The following MLIP variants were observed in gnomAD, a reference collection of about 807,000 sequenced individuals.
MLIP encodes the protein muscular LMNA interacting protein, also known as muscular LMNA-interacting protein.
A neutral mutation model predicts 84.8 loss-of-function variants in MLIP; 79 were observed. The observed-to-expected ratio is 0.93, with a 90% CI of 0.78 to 1.12. The LOEUF (loss-of-function observed/expected upper bound fraction) is 1.12, where lower values mean the gene tolerates loss of function less well. MLIP is among the 50% of genes most tolerant of loss of function. The pLI is 0.00. For missense variants in MLIP, 1,257 were observed against 1,160.6 expected (o/e 1.08, Z -1.21); for synonymous variants, 504 against 463.0 (o/e 1.09, Z -1.14).
At chr6:54,074,531 A>G (rs1766675685) in intron 1 of MLIP, among the ~76,000 whole-genome samples, 1 of 152,196 alleles carries the variant, frequency 6.6e-6, no homozygotes, top group South Asian at 2.1e-4. Context: ...TGCGGTAAGA[A>G]GGTCAGCAAA....
chr6:54,190,823 T>C (rs949253762), intron 10 of MLIP, among the ~76,000 whole-genome samples: 2 of 145,434 alleles, frequency 1.4e-5, no homozygotes, highest in African/African-American at 5.2e-5. Flanking sequence ...TGAGACGGAG[T>C]CTCGCTCTGT....
rs150918981 is a variant in MLIP at position 54,112,565 on chromosome 6, T to A, written c.96+990T>A. Among the ~76,000 whole-genome samples the A allele has an allele frequency of 9.8e-3, 1,486 of 152,308 alleles. 28 individuals are homozygous for A. Among genetic ancestry groups the A allele is most frequent in the African/African-American group, 0.033 (1,373 of 41,566 alleles). On this transcript the variant is annotated intron_variant, in intron 1 of 13. Transcript: ENST00000502396. Reference sequence around the variant, plus strand: ...CAGGAATTTATGTCTGATCTTGTTATTCTCCAACAGTAACTCAGGAAGATG... The same window carrying A: ...CAGGAATTTATGTCTGATCTTGTTAATCTCCAACAGTAACTCAGGAAGATG...
At chr6:54,092,062 G>T (rs1767905824) in intron 1 of MLIP, among the ~76,000 whole-genome samples, 1 of 152,082 alleles carries the variant, frequency 6.6e-6, no homozygotes, top group Admixed American at 6.6e-5. Context: ...GACTTGACTA[G>T]GATCTGGAAT....
At chr6:54,255,072 A>G (rs929281973) in intron 12 of MLIP, among the ~76,000 whole-genome samples, 1 of 152,018 alleles carries the variant, frequency 6.6e-6, no homozygotes, top group Non-Finnish European at 1.5e-5. Context: ...TTGGTCTGAG[A>G]ATGGGACACC....
chr6:54,251,922 T>C (rs866797906), intron 12 of MLIP, among the ~76,000 whole-genome samples: 10 of 83,134 alleles, frequency 1.2e-4, no homozygotes, highest in Non-Finnish European at 1.7e-4. Flanking sequence ...ATATATAATA[T>C]AAATATATAT....
intron 1 of MLIP, among the ~76,000 whole-genome samples, chr6:54,089,603 T>G (rs1470124056): frequency 6.6e-6 from 1 of 152,098 alleles, no homozygotes; most frequent in Admixed American, 6.6e-5. Flanking sequence ...ACCTGACCCT[T>G]TGAGCCTTTC....
chr6:54,190,093 A>G (rs1777768152), intron 10 of MLIP, among the ~76,000 whole-genome samples, 179 bp downstream of exon 10: 1 of 152,202 alleles, frequency 6.6e-6, no homozygotes. Flanking sequence ...CAGGTGACAA[A>G]CATACGTAAA....
chr6:54,085,836 T>C (rs1460892338), intron 1 of MLIP, among the ~76,000 whole-genome samples: 1 of 152,122 alleles, frequency 6.6e-6, no homozygotes, highest in African/African-American at 2.4e-5. Flanking sequence ...CTCAAGGCCT[T>C]CATTTATTTA....
rs185780687 is a variant in MLIP at position 54,198,974 on chromosome 6, A to G, written c.2590-3131A>G. On this transcript the variant is annotated intron_variant, in intron 10 of 13. Coordinates refer to ENST00000502396, the MANE Select transcript of MLIP (RefSeq NM_001281747.2). ...ACAGTCACCAGGAACTGAAAACATT[A>G]GATAACATTAGGTCCTAAATGTTCT... Among the ~76,000 whole-genome samples, 31 of 152,170 alleles carry G rather than the reference A, an allele frequency of 2.0e-4. 1 individual carries two copies. The highest frequency in any genetic ancestry group is 8.8e-5 in the Non-Finnish European group (6 of 67,988).
intron 11 of MLIP, among the ~76,000 whole-genome samples, chr6:54,208,323 C>T (rs926220943): frequency 3.3e-5 from 5 of 151,676 alleles, no homozygotes; most frequent in African/African-American, 9.7e-5. Context: ...CAGTGGCTCA[C>T]GCCTGTAATC....
chr6:54,129,929 A>G (rs1184505640), intron 3 of MLIP, among the ~76,000 whole-genome samples: 1 of 152,140 alleles, frequency 6.6e-6, no homozygotes, highest in Non-Finnish European at 1.5e-5. Context: ...TAGAGGCCCT[A>G]CATTCTTTTA....
At chr6:54,149,208 A>G in intron 5 of MLIP, 81 bp downstream of exon 5, 1 of 1,296,816 alleles carries the variant, frequency 7.7e-7, no homozygotes, top group Non-Finnish European at 1.1e-6. Context: ...TGTTGGGAAG[A>G]TTTCTGTTTT....
intron 3 of MLIP, among the ~76,000 whole-genome samples, chr6:54,132,529 G>A (rs1042031662): frequency 6.6e-6 from 1 of 152,102 alleles, no homozygotes; most frequent in Non-Finnish European, 1.5e-5. Flanking sequence ...AATTTTCCTT[G>A]GAGTAAAGAA....
intron 10 of MLIP, among the ~76,000 whole-genome samples, chr6:54,190,191 A>T (rs1777779159): frequency 6.6e-6 from 1 of 152,130 alleles, no homozygotes; most frequent in African/African-American, 2.4e-5. Flanking sequence ...ATGCCATTAG[A>T]ATTTAGAGAA....
At chr6:54,174,996 T>C (rs914917199) in intron 9 of MLIP, among the ~76,000 whole-genome samples, 4 of 152,054 alleles carry the variant, frequency 2.6e-5, no homozygotes, top group Non-Finnish European at 4.4e-5. Context: ...CATCATTTAT[T>C]GAAAAGACTA....
Position 54,169,520 on chromosome 6 carries a change from T to C in MLIP, c.2500-8T>C. 1 of 1,571,188 alleles carries C rather than the reference T, an allele frequency of 6.4e-7. No individual in the cohort carries two copies. The highest frequency in any genetic ancestry group is 8.6e-7 in the Non-Finnish European group (1 of 1,160,796). ...TTCAGATGTATAATTGTTTTTATTT[T>C]CATACAGACTCCTACAACTCTTCCA... On this transcript the variant is annotated splice_region_variant and splice_polypyrimidine_tract_variant and intron_variant, in intron 8 of 13. Transcript: ENST00000502396.
At position 54,147,480 on chromosome 6, in the gene MLIP, ATCT is replaced by A. The variant is rs68135484; in HGVS notation, c.2218-1572_2218-1570del. On this transcript the variant is annotated intron_variant, in intron 4 of 13. Transcript: ENST00000502396. ...CTTAGGGCTTGAAGTGACCTGAGAC[ATCT>A]TCTAGCAATTGCCGCTCATGTAGGA... 6.8e-4 allele frequency among the ~76,000 whole-genome samples: 104 copies of A among 152,274 alleles called. No individual in the cohort carries two copies. The East Asian group carries it at 0.011, about 16-fold the overall frequency.
chr6:54,098,148 C>CTTTTT (rs5876357), intron 1 of MLIP, among the ~76,000 whole-genome samples: 12 of 123,834 alleles, frequency 9.7e-5, no homozygotes, highest in Middle Eastern at 4.4e-3. Context: ...ATTTTTCTTT[C>CTTTTT]TTTTTTTTTT....
intron 9 of MLIP, among the ~76,000 whole-genome samples, chr6:54,182,712 T>A (rs560053230): frequency 6.6e-6 from 1 of 152,348 alleles, no homozygotes; most frequent in African/African-American, 2.4e-5. Context: ...TAAATGTTTA[T>A]CATTTTTTAC....
Sources: gnomAD v4.1 joint callset for allele counts (sites outside exome capture counted in the v4.1 genomes callset) on GRCh38, gnomAD v4.1.1 for gene constraint, MANE v1.5 for transcripts, NCBI Gene and HGNC (gene_info 2026-07-23, HGNC 2026-07-21) for gene names.